GPHN: variants seen among roughly 807,000 people sequenced by gnomAD.
The protein encoded by GPHN is gephyrin.
GPHN carries 17 observed loss-of-function variants against 95.5 expected under a neutral mutation model. That is an observed-to-expected ratio of 0.18 (90% CI 0.12 to 0.27). GPHN has a LOEUF of 0.27. GPHN is among the 10% of genes least tolerant of loss of function. GPHN has a pLI of 1.00. For synonymous variants in GPHN, 320 were observed against 322.5 expected (o/e 0.99, Z 0.08); for missense variants, 660 against 978.1 (o/e 0.67, Z 4.34).
rs1265134142 is a variant in GPHN at position 67,151,240 on chromosome 14, A to G, written c.1836+7791A>G. ...TACTTACAACTTGAGCTGTAAGTCA[A>G]GAGTAAACACAGAACCATAAATATT... On this transcript the variant is annotated intron_variant, in intron 18 of 22. Coordinates refer to ENST00000478722, the MANE Select transcript of GPHN (RefSeq NM_020806.5). Among the ~76,000 whole-genome samples the G allele has an allele frequency of 3.3e-5, 5 of 152,364 alleles. No individual in the cohort carries two copies. The East Asian group carries it at 5.8e-4, about 18-fold the overall frequency.
the GPHN span, among the ~76,000 whole-genome samples, chr14:67,274,862 G>C: frequency 6.6e-6 from 1 of 152,056 alleles, no homozygotes; most frequent in South Asian, 2.1e-4. Context: ...GGATTCCTAG[G>C]TATTTTATTC....
chr14:67,292,123 A>G, the GPHN span, among the ~76,000 whole-genome samples: 1 of 152,202 alleles, frequency 6.6e-6, no homozygotes, highest in Non-Finnish European at 1.5e-5. Flanking sequence ...AAATATTTAA[A>G]AAGACTAGTG....
chr14:67,709,582 G>A, the GPHN span, among the ~76,000 whole-genome samples: 2 of 152,104 alleles, frequency 1.3e-5, no homozygotes, highest in Middle Eastern at 3.2e-3. Flanking sequence ...CTTAAAATTG[G>A]CCCTCACAAT....
intron 9 of GPHN, among the ~76,000 whole-genome samples, chr14:66,975,703 G>A (rs990180317): frequency 1.3e-5 from 2 of 151,106 alleles, no homozygotes; most frequent in Non-Finnish European, 2.9e-5. Flanking sequence ...AACATAGTGA[G>A]ACCCTGTCTC....
chr14:67,678,267 G>A, the GPHN span: 2 of 1,130,230 alleles, frequency 1.8e-6, no homozygotes, highest in Non-Finnish European at 1.3e-6. Flanking sequence ...ATTTTGACAA[G>A]AAGTACTGTG....
chr14:66,902,944 A>C (rs113499257), intron 5 of GPHN, among the ~76,000 whole-genome samples: 1 of 152,078 alleles, frequency 6.6e-6, no homozygotes. Flanking sequence ...ATTATTTCCA[A>C]ACTACCATCA....
At chr14:67,587,159 G>A in the GPHN span, 6 of 1,613,924 alleles carry the variant, frequency 3.7e-6, no homozygotes, top group Non-Finnish European at 4.2e-6. Context: ...CCCGGAGCCT[G>A]CCAGCTGTGG....
chr14:67,706,473 C>T, the GPHN span, among the ~76,000 whole-genome samples: 2 of 152,082 alleles, frequency 1.3e-5, no homozygotes, highest in Non-Finnish European at 2.9e-5. Flanking sequence ...AGACACGGGA[C>T]ATCAATCAAC....
chr14:67,654,826 G>C, the GPHN span, among the ~76,000 whole-genome samples: 1 of 151,678 alleles, frequency 6.6e-6, no homozygotes, highest in Non-Finnish European at 1.5e-5. Flanking sequence ...TTAAGAGATC[G>C]AGACCATCCT....
chr14:67,535,069 A>G, the GPHN span, among the ~76,000 whole-genome samples: 1 of 152,326 alleles, frequency 6.6e-6, no homozygotes, highest in Non-Finnish European at 1.5e-5. Flanking sequence ...ATATACTTTG[A>G]TGTAGGAATA....
chr14:67,375,232 C>CTGTGTGTGTGTGTGTGTGTGTG, the GPHN span, among the ~76,000 whole-genome samples: 1 of 137,574 alleles, frequency 7.3e-6, no homozygotes, highest in African/African-American at 2.7e-5. Flanking sequence ...ATCCTCAGTT[C>CTGTGTGTGTGTGTGTGTGTGTG]TGTGTGTGTG....
chr14:66,608,187 C>T (rs1487096038), intron 1 of GPHN, among the ~76,000 whole-genome samples: 2 of 151,758 alleles, frequency 1.3e-5, no homozygotes, highest in Admixed American at 6.6e-5. Flanking sequence ...ATATGTGGTT[C>T]TGTTTTTGTG....
At chr14:67,713,804 A>G in the GPHN span, among the ~76,000 whole-genome samples, 2 of 152,238 alleles carry the variant, frequency 1.3e-5, no homozygotes, top group African/African-American at 4.8e-5. Context: ...ATCAATCAAC[A>G]TATGTAAAAT....
chr14:66,923,000 T>C, intron 7 of GPHN, 62 bp downstream of exon 7: 7 of 1,420,078 alleles, frequency 4.9e-6, no homozygotes, highest in Non-Finnish European at 6.8e-6. Context: ...ACTGGTTTCA[T>C]CTGTTTTGCA....
At chr14:66,830,219 C>A (rs2061535636) in intron 4 of GPHN, among the ~76,000 whole-genome samples, 1 of 152,012 alleles carries the variant, frequency 6.6e-6, no homozygotes, top group African/African-American at 2.4e-5. Flanking sequence ...CTCACTTTTA[C>A]CTTTGGTTCT....
intron 13 of GPHN, among the ~76,000 whole-genome samples, chr14:67,106,882 C>G (rs2078071464): frequency 6.6e-6 from 1 of 151,564 alleles, no homozygotes; most frequent in African/African-American, 2.4e-5. Context: ...GTCATATTTC[C>G]TTGCTTTTTT....
rs145643922 is a variant in GPHN at position 66,512,065 on chromosome 14, T to C, written c.64+3474T>C. On this transcript the variant is annotated intron_variant, in intron 1 of 22. Coordinates refer to ENST00000478722, the MANE Select transcript of GPHN (RefSeq NM_020806.5). The stretch of plus-strand genomic sequence containing the variant: ...AGTTGTCTACTTGTATTACTATTTA[T>C]AGAAGAGACTAGAGGTAATATGGTA... Among the ~76,000 whole-genome samples, 126 of 152,004 alleles carry C rather than the reference T, an allele frequency of 8.3e-4. No homozygotes were observed. In the East Asian group the frequency reaches 0.021, roughly 25 times the overall value.
chr14:67,021,040 C>G (rs1202203564), intron 9 of GPHN, among the ~76,000 whole-genome samples: 1 of 151,900 alleles, frequency 6.6e-6, no homozygotes. Context: ...AAGTGTATGC[C>G]ATTACATTGT....
intron 9 of GPHN, among the ~76,000 whole-genome samples, chr14:66,990,285 G>A (rs1232233175): frequency 1.3e-5 from 2 of 152,090 alleles, no homozygotes; most frequent in Non-Finnish European, 2.9e-5. Flanking sequence ...ATTACAATTC[G>A]AGATGAGATT....
Sources: allele counts gnomAD v4.1 joint callset (sites outside exome capture counted in the v4.1 genomes callset), GRCh38; gene constraint gnomAD v4.1.1; transcripts MANE v1.5; gene names NCBI Gene and HGNC (gene_info 2026-07-23, HGNC 2026-07-21).